The following RNF130 variants were observed in gnomAD, a reference collection of about 807,000 sequenced individuals.
RNF130 encodes the protein ring finger protein 130.
A neutral mutation model predicts 44.6 loss-of-function variants in RNF130; 21 were observed. The ratio of observed to expected loss-of-function variants is 0.47; its 90% CI spans 0.33 to 0.68. The LOEUF is 0.68. Among genes scored for constraint, RNF130 ranks in the 30% least tolerant of loss-of-function variants. The probability of loss-of-function intolerance (pLI) is 0.02; values close to 1 mark genes in which losing one functional copy is unlikely to be tolerated. For synonymous variants in RNF130, 214 were observed against 210.4 expected, an observed-to-expected ratio of 1.02 and a Z score of -0.15; for missense variants, 479 against 560.6, an observed-to-expected ratio of 0.85 and a Z score of 1.47.
intron 3 of RNF130, among the ~76,000 whole-genome samples, chr5:179,984,383 G>A (rs149343362): frequency 5.9e-5 from 9 of 152,020 alleles, no homozygotes; most frequent in Non-Finnish European, 1.0e-4. Flanking sequence ...GAATTTAGTC[G>A]TTCACCATTA....
At chr5:179,920,612 C>A (rs1761614980) in intron 7 of RNF130, among the ~76,000 whole-genome samples, 1 of 152,046 alleles carries the variant, frequency 6.6e-6, no homozygotes, top group African/African-American at 2.4e-5. Flanking sequence ...CTTTAAGCAT[C>A]TAAGTTCCAA....
intron 4 of RNF130, 112 bp downstream of exon 4, chr5:179,980,017 G>A (rs1762797899): frequency 2.4e-6 from 2 of 848,056 alleles, no homozygotes; most frequent in Middle Eastern, 2.3e-4. Context: ...TAGTGTAGTT[G>A]GAGAAAATCT....
chr5:180,035,263 T>G (rs942761701), intron 2 of RNF130, among the ~76,000 whole-genome samples: 1 of 152,260 alleles, frequency 6.6e-6, no homozygotes, highest in Non-Finnish European at 1.5e-5. Flanking sequence ...TAAAATTTCC[T>G]TTTGAATTTT....
At chr5:179,927,716 G>C (rs155785) in intron 7 of RNF130, among the ~76,000 whole-genome samples, 12 of 150,890 alleles carry the variant, frequency 8.0e-5, no homozygotes, top group Non-Finnish European at 1.5e-4. Flanking sequence ...AGTCTCCTGA[G>C]TATGGGACTA....
chr5:179,996,717 T>C (rs1433717611), intron 3 of RNF130, among the ~76,000 whole-genome samples: 2 of 152,234 alleles, frequency 1.3e-5, no homozygotes, highest in African/African-American at 4.8e-5. Flanking sequence ...AGTTTGCTAG[T>C]ATTTCGTTGG....
In RNF130 at chr5:179,963,532, G is replaced by A; in HGVS notation, c.1183C>T (p.Leu395Phe). 6.2e-7 allele frequency: 1 copy of A among 1,613,950 alleles called. No homozygotes were observed. ...EWFIIASFGL[L>F]SALTLCYMII... ...ATGTAGCAGAGTGTGAGGGCACTGA[G>A]GAGGCCAAAACTGGCAATAATAAAC... Residue 395 changes from leucine (L) to phenylalanine (F), a missense_variant, in exon 8 of 9, where the codon CTC (leucine) becomes TTC (phenylalanine). Transcript: ENST00000521389.
intron 2 of RNF130, among the ~76,000 whole-genome samples, chr5:180,028,242 A>G (rs147474022): frequency 6.6e-6 from 1 of 152,264 alleles, no homozygotes; most frequent in South Asian, 2.1e-4. Flanking sequence ...TCCCACAGTC[A>G]TGACTTCGTA....
intron 7 of RNF130, among the ~76,000 whole-genome samples, chr5:179,945,243 G>A (rs1762020547): frequency 6.6e-6 from 1 of 152,168 alleles, no homozygotes; most frequent in Non-Finnish European, 1.5e-5. Context: ...CCACTACGAT[G>A]AGCAAGGCTC....
In RNF130 at chr5:180,040,773, G is replaced by A. The variant is rs1764389799; in HGVS notation, c.248-126C>T. The A allele has an allele frequency of 5.3e-6, 4 of 755,296 alleles. No homozygotes were observed. The Admixed American group carries it at 8.7e-5, about 16-fold the overall frequency. The allele number at this position is 755,296 out of a possible 1,614,324, so 46.8% of individuals were successfully genotyped here. On this transcript the variant is annotated intron_variant, in intron 1 of 8. Transcript: ENST00000521389. ...CGTGAAGCAGCTCGCTGCCAGCAGA[G>A]CTATGAATACATCCACAAACAATAC... is the stretch of plus-strand genomic sequence containing the variant.
chr5:179,921,866 C>CA lies in RNF130; in HGVS notation c.1151-1441dup, dbSNP rs566416887. Among the ~76,000 whole-genome samples the CA allele has an allele frequency of 7.2e-4, 107 of 149,416 alleles. No homozygotes were observed. In the South Asian group the frequency reaches 0.021, roughly 30 times the overall value. On this transcript the variant is annotated intron_variant, in intron 7 of 7. Transcript: ENST00000522208. ...TGAAACCCCGTCTCTACTAAAAATA[C>CA]AAAAAATTAGCCAGGCATGGTGGCA...
At position 180,071,601 on chromosome 5, in the gene RNF130, G is replaced by C. The variant is rs753946739; in HGVS notation, c.102C>G (p.Tyr34Ter). Residue 34 changes from tyrosine (Y) to a stop codon, truncating the protein, a stop_gained, in exon 1 of 9, where the codon TAC becomes TAG. Coordinates refer to ENST00000521389, the MANE Select transcript of RNF130 (RefSeq NM_018434.6). LOFTEE classifies it high-confidence loss of function. The stretch of plus-strand genomic sequence containing the variant: ...CCGTCACGTTGATGAGCGCCGTGTA[G>C]TACTCCTGGCTCGCGTTGTCTGCCC... ...PARADNASQE[Y>*]YTALINVTVQ... The C allele has an allele frequency of 1.3e-6, 2 of 1,508,062 alleles. No individual in the cohort carries two copies. Among genetic ancestry groups the C allele is most frequent in the Non-Finnish European group, 1.8e-6 (2 of 1,126,812 alleles). The allele number at this position is 1,508,062 out of a possible 1,614,324, so 93.4% of individuals were successfully genotyped here.
At chr5:180,006,293 A>G (rs1400909935) in intron 3 of RNF130, among the ~76,000 whole-genome samples, 4 of 148,268 alleles carry the variant, frequency 2.7e-5, no homozygotes, top group Non-Finnish European at 4.5e-5. Context: ...TCCAATGTGG[A>G]AGAAAAAAAA....
chr5:179,974,256 G>A (rs866404851), intron 5 of RNF130, among the ~76,000 whole-genome samples: 1 of 152,176 alleles, frequency 6.6e-6, no homozygotes, highest in Non-Finnish European at 1.5e-5. Context: ...TTTAGCTCCT[G>A]AAGTGGCATG....
At chr5:180,059,153 C>A (rs1276469663) in intron 1 of RNF130, among the ~76,000 whole-genome samples, 4 of 152,174 alleles carry the variant, frequency 2.6e-5, no homozygotes, top group Non-Finnish European at 5.9e-5. Context: ...ACAAGTACAT[C>A]ACAGTTTTTG....
At chr5:180,060,333 T>C (rs1340138566) in intron 1 of RNF130, among the ~76,000 whole-genome samples, 1 of 152,256 alleles carries the variant, frequency 6.6e-6, no homozygotes, top group Non-Finnish European at 1.5e-5. Flanking sequence ...TCACTTCTTT[T>C]CCTTCCGTGC....
At chr5:179,933,926 TTC>T (rs1761848952) in intron 7 of RNF130, 1 of 543,178 alleles carries the variant, frequency 1.8e-6, no homozygotes, top group Non-Finnish European at 3.4e-6. Flanking sequence ...GAGCAGACTG[TTC>T]TGCCATTTTT....
chr5:180,027,156 G>T (rs1289156489), intron 2 of RNF130, among the ~76,000 whole-genome samples: 19 of 152,172 alleles, frequency 1.2e-4, no homozygotes, highest in Admixed American at 1.2e-3. Context: ...CGGGGTGAAA[G>T]CACGGGTCTC....
At chr5:180,040,415 G>A in intron 2 of RNF130, 38 bp downstream of exon 2, 2 of 1,579,290 alleles carry the variant, frequency 1.3e-6, no homozygotes, top group Non-Finnish European at 1.7e-6. Flanking sequence ...TGATTTCTAA[G>A]AAGAAAAACA....
intron 7 of RNF130, among the ~76,000 whole-genome samples, chr5:179,921,911 C>A (rs553697394): frequency 1.2e-4 from 18 of 151,866 alleles, no homozygotes; most frequent in African/African-American, 3.9e-4. Context: ...AATCCAGCTA[C>A]TCGGGAGGCT....
Sources: gnomAD v4.1 joint callset for allele counts (sites outside exome capture counted in the v4.1 genomes callset) on GRCh38, gnomAD v4.1.1 for gene constraint, MANE v1.5 for transcripts, NCBI Gene and HGNC (gene_info 2026-07-23, HGNC 2026-07-21) for gene names.